The following EMCN variants were observed in gnomAD, a reference collection of about 807,000 sequenced individuals.
The protein encoded by EMCN is MUC-14.
Under a neutral mutation model 38.4 loss-of-function variants are expected in EMCN, and 37 were observed. The ratio of observed to expected loss-of-function variants is 0.96; its 90% CI spans 0.74 to 1.27. The LOEUF (loss-of-function observed/expected upper bound fraction) is 1.27, where lower values mean the gene tolerates loss of function less well. EMCN is among the 50% of genes most tolerant of loss of function. The probability of loss-of-function intolerance (pLI) is 0.00; values close to 1 mark genes in which losing one functional copy is unlikely to be tolerated. For missense variants in EMCN, 318 were observed against 302.8 expected, an observed-to-expected ratio of 1.05 and a Z score of -0.37; for synonymous variants, 95 against 100.8, an observed-to-expected ratio of 0.94 and a Z score of 0.35.
At chr4:100,492,679 A>G (rs1292946914) in intron 1 of EMCN, among the ~76,000 whole-genome samples, 2 of 152,182 alleles carry the variant, frequency 1.3e-5, no homozygotes, top group Non-Finnish European at 2.9e-5. Context: ...AACACATCAT[A>G]TATAAAGGGA....
chr4:100,399,015 G>A (rs998271055), intron 11 of EMCN, among the ~76,000 whole-genome samples: 1 of 152,158 alleles, frequency 6.6e-6, no homozygotes, highest in African/African-American at 2.4e-5. Context: ...GACAATGTGA[G>A]TAATTAAAAA....
chr4:100,447,949 A>G (rs1727724659), intron 4 of EMCN, among the ~76,000 whole-genome samples: 1 of 152,034 alleles, frequency 6.6e-6, no homozygotes, highest in African/African-American at 2.4e-5. Context: ...CCCGTGGGCC[A>G]TAGTTTGCTG....
chr4:100,459,588 C>T (rs1728119187), intron 4 of EMCN, among the ~76,000 whole-genome samples: 1 of 152,102 alleles, frequency 6.6e-6, no homozygotes, highest in Non-Finnish European at 1.5e-5. Context: ...CCCAACTCCC[C>T]ACCTCCAGCT....
chr4:100,445,427 A>G (rs1409539101), intron 5 of EMCN, among the ~76,000 whole-genome samples: 1 of 152,184 alleles, frequency 6.6e-6, no homozygotes, highest in African/African-American at 2.4e-5. Flanking sequence ...GCAAAAATGT[A>G]ACTTTTCAAG....
chr4:100,479,967 T>A lies in EMCN; in HGVS notation c.137A>T (p.Glu46Val). The A allele has an allele frequency of 6.2e-7, 1 of 1,610,214 alleles. No individual in the cohort carries two copies. The highest frequency in any genetic ancestry group is 1.7e-4 in the Middle Eastern group (1 of 6,040). The change falls in exon 2 of 12, where the codon GAA becomes GTA. Residue 46 changes from glutamate to valine, a missense_variant. Transcript: ENST00000296420. Reference sequence around the variant, plus strand: ...TGTGACAACATTTTTCTGTAATGATTCTGTGTTTGGTGTTGTTATAGATGG... The same window carrying A: ...TGTGACAACATTTTTCTGTAATGATACTGTGTTTGGTGTTGTTATAGATGG... ...TKPSITTPNT[E>V]SLQKNVVTPT... is the part of the protein sequence containing the mutation.
chr4:100,469,690 C>T (rs1356830902), intron 3 of EMCN, among the ~76,000 whole-genome samples: 2 of 151,968 alleles, frequency 1.3e-5, no homozygotes, highest in Admixed American at 1.3e-4. Context: ...ACAGGGAGTC[C>T]TTTCTCCATT....
chr4:100,516,770 G>A (rs1432567245), intron 1 of EMCN, among the ~76,000 whole-genome samples: 3 of 151,912 alleles, frequency 2.0e-5, no homozygotes, highest in African/African-American at 4.8e-5. Context: ...ATTTTCTTCC[G>A]ACATTATCAC....
chr4:100,448,847 C>CCTTG (rs1727760013), intron 4 of EMCN, among the ~76,000 whole-genome samples: 1 of 150,342 alleles, frequency 6.7e-6, no homozygotes, highest in South Asian at 2.1e-4. Flanking sequence ...TCCCTCCCTT[C>CCTTG]CTTGCTTTCT....
At chr4:100,455,496 T>C (rs1229637480) in intron 4 of EMCN, among the ~76,000 whole-genome samples, 1 of 145,332 alleles carries the variant, frequency 6.9e-6, no homozygotes, top group East Asian at 2.0e-4. Flanking sequence ...TTTACAGAAT[T>C]CTAGGGTGAA....
At position 100,479,916 on chromosome 4, in the gene EMCN, C is replaced by T; in HGVS notation, c.187+1G>A. The T allele has an allele frequency of 1.9e-6, 3 of 1,603,018 alleles. No individual in the cohort carries two copies. The highest frequency in any genetic ancestry group is 2.6e-6 in the Non-Finnish European group (3 of 1,175,526). The stretch of plus-strand genomic sequence containing the variant: ...CTAAATTTACTAACAGTTAATCCTA[C>T]CTTTAGGAGTTGTTCCAGTTGTTGG... On this transcript the variant is annotated splice_donor_variant, in intron 2 of 11. Transcript: ENST00000296420. LOFTEE classifies it high-confidence loss of function.
At chr4:100,467,294 C>T (rs960191855) in intron 3 of EMCN, among the ~76,000 whole-genome samples, 2 of 152,102 alleles carry the variant, frequency 1.3e-5, no homozygotes, top group South Asian at 4.1e-4. Flanking sequence ...GCCACAGCCA[C>T]AAATTTTTAA....
chr4:100,482,326 G>T (rs1234314093), intron 1 of EMCN, among the ~76,000 whole-genome samples: 1 of 151,974 alleles, frequency 6.6e-6, no homozygotes, highest in Non-Finnish European at 1.5e-5. Context: ...GTGTAAGTCT[G>T]CACGAAATGT....
At chr4:100,438,138 T>C (rs967212908) in intron 5 of EMCN, among the ~76,000 whole-genome samples, 1 of 152,112 alleles carries the variant, frequency 6.6e-6, no homozygotes, top group Non-Finnish European at 1.5e-5. Context: ...TAAGGACAGA[T>C]GGTCCTCAAC....
intron 5 of EMCN, among the ~76,000 whole-genome samples, chr4:100,434,922 C>T (rs1264332587): frequency 6.6e-6 from 1 of 152,100 alleles, no homozygotes; most frequent in Non-Finnish European, 1.5e-5. Flanking sequence ...CAATATCATA[C>T]TGAATGGGCA....
Position 100,433,207 on chromosome 4 carries a change from G to T in EMCN, c.416-9803C>A, listed in dbSNP as rs190141889. 1.4e-3 allele frequency among the ~76,000 whole-genome samples: 207 copies of T among 152,290 alleles called. 1 individual carries two copies. The highest frequency in any genetic ancestry group is 4.7e-3 in the African/African-American group (197 of 41,562). On this transcript the variant is annotated intron_variant, in intron 5 of 11. Coordinates refer to ENST00000296420, the MANE Select transcript of EMCN (RefSeq NM_016242.4). The stretch of plus-strand genomic sequence containing the variant: ...TCTTTTAGATTTCACATGTAAGTGA[G>T]ATCATGCAATATTATTTCTGTGTCT...
At chr4:100,510,735 C>G (rs1343643309) in intron 1 of EMCN, among the ~76,000 whole-genome samples, 2 of 152,170 alleles carry the variant, frequency 1.3e-5, no homozygotes, top group Admixed American at 6.5e-5. Flanking sequence ...GTTTATACAG[C>G]TAGTAAGTGG....
At chr4:100,459,630 A>G (rs1190988419) in intron 4 of EMCN, among the ~76,000 whole-genome samples, 3 of 152,092 alleles carry the variant, frequency 2.0e-5, no homozygotes, top group Non-Finnish European at 4.4e-5. Context: ...CTCTATCTCT[A>G]TGAGTTCAAC....
chr4:100,484,382 G>T (rs1418163929), intron 1 of EMCN, among the ~76,000 whole-genome samples: 1 of 152,016 alleles, frequency 6.6e-6, no homozygotes, highest in Non-Finnish European at 1.5e-5. Flanking sequence ...TCTAATCTTT[G>T]TAATTATATT....
At chr4:100,511,137 C>T (rs1729615233) in intron 1 of EMCN, among the ~76,000 whole-genome samples, 1 of 152,316 alleles carries the variant, frequency 6.6e-6, no homozygotes, top group Admixed American at 6.5e-5. Flanking sequence ...TTTCAGAAAA[C>T]TCAACTTACT....
Sources: allele counts gnomAD v4.1 joint callset (sites outside exome capture counted in the v4.1 genomes callset), GRCh38; gene constraint gnomAD v4.1.1; transcripts MANE v1.5; gene names NCBI Gene and HGNC (gene_info 2026-07-23, HGNC 2026-07-21).